ERC2: variants seen among roughly 807,000 people sequenced by gnomAD.
ERC2 encodes ELKS/RAB6-interacting/CAST family member 2, also known as ERC protein 2.
Under a neutral mutation model 114.8 loss-of-function variants are expected in ERC2, and 42 were observed. That is an observed-to-expected ratio of 0.37 (90% CI 0.29 to 0.47). The LOEUF (loss-of-function observed/expected upper bound fraction) is 0.47, where lower values mean the gene tolerates loss of function less well. ERC2 is among the 20% of genes least tolerant of loss of function. The pLI is 0.99. For synonymous variants in ERC2, 454 were observed against 425.5 expected (o/e 1.07, Z -0.82); for missense variants, 939 against 1,150.7 (o/e 0.82, Z 2.66).
rs557233920 is a variant in ERC2, at chr3:55,609,206, C to T, written c.*39+74588G>A. Reference sequence around the variant, plus strand: ...GAGTGGTGTGTGGGTGCCTCTCTTACCCCAATTTCCCTTTGAGGCAACACA... The same window carrying T: ...GAGTGGTGTGTGGGTGCCTCTCTTATCCCAATTTCCCTTTGAGGCAACACA... On this transcript the variant is annotated intron_variant, in intron 17 of 17. Transcript: ENST00000288221. Among the ~76,000 whole-genome samples, 10 of 152,272 alleles carry T rather than the reference C, an allele frequency of 6.6e-5. No homozygotes were observed. The South Asian group carries it at 1.9e-3, about 28-fold the overall frequency.
At chr3:56,446,745 C>T (rs887757979) in intron 1 of ERC2, among the ~76,000 whole-genome samples, 1 of 150,730 alleles carries the variant, frequency 6.6e-6, no homozygotes, top group East Asian at 2.0e-4. Flanking sequence ...CCTGCCTCAG[C>T]CTCCCGAGTA....
chr3:56,189,930 G>A (rs2083884770), intron 3 of ERC2, among the ~76,000 whole-genome samples: 1 of 152,150 alleles, frequency 6.6e-6, no homozygotes, highest in Non-Finnish European at 1.5e-5. Context: ...TGAAGCAAAA[G>A]GACTGACATA....
chr3:55,576,745 G>T (rs115697612), intron 17 of ERC2, among the ~76,000 whole-genome samples: 3,544 of 152,330 alleles, frequency 0.023, 142 homozygotes, highest in African/African-American at 0.08. Context: ...TGACGGCCCC[G>T]TCCTCGTGCC....
chr3:55,856,051 C>G (rs1045902578), intron 14 of ERC2, among the ~76,000 whole-genome samples: 2 of 152,178 alleles, frequency 1.3e-5, no homozygotes, highest in Non-Finnish European at 2.9e-5. Flanking sequence ...CTTCTTGGCA[C>G]CACTAAAAAG....
intron 2 of ERC2, among the ~76,000 whole-genome samples, chr3:56,377,767 C>A (rs1401249682): frequency 1.3e-5 from 2 of 151,988 alleles, no homozygotes. Flanking sequence ...CCTATACTCT[C>A]AGCTACTCGG....
intron 14 of ERC2, among the ~76,000 whole-genome samples, chr3:55,774,077 C>T (rs536742305): frequency 1.5e-4 from 23 of 152,158 alleles, no homozygotes; most frequent in Non-Finnish European, 2.9e-4. Context: ...GTAATTAACC[C>T]CACCGCCTTC....
At chr3:55,826,555 A>G (rs1484063423) in intron 14 of ERC2, among the ~76,000 whole-genome samples, 8 of 152,240 alleles carry the variant, frequency 5.3e-5, no homozygotes, top group Admixed American at 5.2e-4. Context: ...TAATGCACAT[A>G]ATGCAAAGCC....
At chr3:56,438,075 A>G (rs2062107828) in intron 1 of ERC2, among the ~76,000 whole-genome samples, 2 of 152,214 alleles carry the variant, frequency 1.3e-5, no homozygotes, top group African/African-American at 4.8e-5. Flanking sequence ...TGTCCCATAG[A>G]GCTGATGTCA....
At chr3:56,104,179 G>A (rs1201649441) in intron 6 of ERC2, among the ~76,000 whole-genome samples, 1 of 146,156 alleles carries the variant, frequency 6.8e-6, no homozygotes, top group Non-Finnish European at 1.5e-5. Flanking sequence ...GCAAATCTTT[G>A]CCCAGAAAAA....
intron 1 of ERC2, among the ~76,000 whole-genome samples, chr3:56,458,863 A>G (rs1407808821): frequency 6.6e-6 from 1 of 152,068 alleles, no homozygotes; most frequent in East Asian, 1.9e-4. Flanking sequence ...AGAGTCAACA[A>G]CCCTGCTCCT....
At chr3:56,297,141 A>G (rs545327147) in intron 2 of ERC2, among the ~76,000 whole-genome samples, 2 of 152,280 alleles carry the variant, frequency 1.3e-5, no homozygotes, top group Admixed American at 6.5e-5. Context: ...AAATGAAGCA[A>G]AAAATCAACA....
intron 8 of ERC2, among the ~76,000 whole-genome samples, chr3:56,018,078 G>T (rs538553461): frequency 1.3e-5 from 2 of 152,050 alleles, no homozygotes; most frequent in African/African-American, 4.8e-5. Flanking sequence ...AGACATAACG[G>T]GGATACCTAG....
intron 3 of ERC2, among the ~76,000 whole-genome samples, chr3:56,189,972 A>T (rs2083887097): frequency 1.3e-5 from 2 of 152,234 alleles, no homozygotes; most frequent in Non-Finnish European, 2.9e-5. Flanking sequence ...AAGGACTGAG[A>T]CAGGTGGCAT....
chr3:56,090,180 C>T (rs1435686215), intron 6 of ERC2, among the ~76,000 whole-genome samples: 1 of 152,140 alleles, frequency 6.6e-6, no homozygotes, highest in Non-Finnish European at 1.5e-5. Flanking sequence ...AGTTGCCTTT[C>T]AGAAAAAAAT....
At chr3:55,946,606 G>C (rs999594388) in intron 13 of ERC2, among the ~76,000 whole-genome samples, 3 of 152,102 alleles carry the variant, frequency 2.0e-5, no homozygotes, top group Non-Finnish European at 4.4e-5. Flanking sequence ...AACCTGCCCA[G>C]GGAGGTAAAG....
chr3:55,955,811 T>A (rs1010331337), intron 12 of ERC2, among the ~76,000 whole-genome samples: 14 of 152,344 alleles, frequency 9.2e-5, no homozygotes, highest in African/African-American at 3.4e-4. Context: ...AAAGACTATT[T>A]CTCAGCCATA....
At chr3:56,465,409 AAAAAT>A (rs1385958277) in intron 1 of ERC2, among the ~76,000 whole-genome samples, 1 of 152,228 alleles carries the variant, frequency 6.6e-6, no homozygotes, top group Non-Finnish European at 1.5e-5. Context: ...AAAAACAATA[AAAAAT>A]AAAATAAAAC....
chr3:55,554,411 C>T (rs781277451), intron 17 of ERC2, among the ~76,000 whole-genome samples: 46 of 152,312 alleles, frequency 3.0e-4, no homozygotes, highest in Non-Finnish European at 4.3e-4. Flanking sequence ...AGGCATTTTC[C>T]GTCCTTCCAT....
intron 7 of ERC2, among the ~76,000 whole-genome samples, chr3:56,025,002 G>A (rs2073954529): frequency 1.3e-5 from 2 of 152,172 alleles, no homozygotes; most frequent in African/African-American, 4.8e-5. Context: ...AGGTGTTGTT[G>A]AACCTGTGTC....
Sources: allele counts gnomAD v4.1 joint callset (sites outside exome capture counted in the v4.1 genomes callset), GRCh38; gene constraint gnomAD v4.1.1; transcripts MANE v1.5; gene names NCBI Gene and HGNC (gene_info 2026-07-23, HGNC 2026-07-21).